The following SLC22A23 variants were observed in gnomAD, a reference collection of about 807,000 sequenced individuals.
The protein encoded by SLC22A23 is solute carrier family 22 member 23, also known as ion transporter protein.
SLC22A23 carries 26 observed loss-of-function variants against 61.0 expected under a neutral mutation model. The ratio of observed to expected loss-of-function variants is 0.43; its 90% CI spans 0.31 to 0.59. The LOEUF (loss-of-function observed/expected upper bound fraction) is 0.59. Among genes scored for constraint, SLC22A23 ranks in the 20% least tolerant of loss-of-function variants. The pLI, the probability that SLC22A23 is intolerant of heterozygous loss-of-function variation, is 0.11. For missense variants in SLC22A23, 796 were observed against 934.7 expected (o/e 0.85, Z 1.94); for synonymous variants, 430 against 413.9 (o/e 1.04, Z -0.47).
rs374528753 is a variant in SLC22A23, at chr6:3,390,117, C to T, written c.913+20071G>A. Among the ~76,000 whole-genome samples the T allele has an allele frequency of 3.3e-5, 5 of 152,292 alleles. No homozygotes were observed. The highest frequency in any genetic ancestry group is 2.1e-4 in the South Asian group (1 of 4,824). ...GCCACCATCCGTCCGTGGGCTCATCCGGAACAGCAACCAGCGGTGAGCCAC... is the reference window on the plus strand; with the variant it reads ...GCCACCATCCGTCCGTGGGCTCATCTGGAACAGCAACCAGCGGTGAGCCAC... On this transcript the variant is annotated intron_variant, in intron 3 of 9. Transcript: ENST00000406686. This position sits in a 1 kb window ranked among gnomAD's most constrained non-coding sequence, Gnocchi z 4.0.
At chr6:3,448,904 G>C (rs535204578) in intron 1 of SLC22A23, among the ~76,000 whole-genome samples, 3 of 148,734 alleles carry the variant, frequency 2.0e-5, no homozygotes, top group Admixed American at 1.3e-4. Flanking sequence ...GAGGGAGACG[G>C]AGAGGGAGAG....
chr6:3,400,183 T>C (rs952138378), intron 3 of SLC22A23, among the ~76,000 whole-genome samples: 1 of 152,242 alleles, frequency 6.6e-6, no homozygotes, highest in African/African-American at 2.4e-5. Flanking sequence ...CCGCCCATGA[T>C]TGCATTTTAA....
At chr6:3,295,074 G>A (rs960049491) in intron 5 of SLC22A23, among the ~76,000 whole-genome samples, 7 of 122,764 alleles carry the variant, frequency 5.7e-5, no homozygotes, top group African/African-American at 1.6e-4. Flanking sequence ...CCTGCTACGC[G>A]TCGCGTCAGG....
At chr6:3,405,346 T>C (rs1246541820) in intron 3 of SLC22A23, among the ~76,000 whole-genome samples, 7 of 151,946 alleles carry the variant, frequency 4.6e-5, no homozygotes, top group African/African-American at 1.5e-4. Flanking sequence ...GTGAGTGGAG[T>C]TGGTCCCACC....
Position 3,286,741 on chromosome 6 carries a change from C to G in SLC22A23, c.1546+118G>C, listed in dbSNP as rs1760044222. 3 of 912,088 alleles carry G rather than the reference C, an allele frequency of 3.3e-6. No homozygotes were observed. The highest frequency in any genetic ancestry group is 5.0e-6 in the Non-Finnish European group (3 of 598,782). 56.5% of individuals were successfully genotyped at this position (912,088 alleles called of 1,614,324 possible). A position where few individuals can be genotyped will look rare whatever the true frequency, so the allele number is the denominator to read the frequency against. On this transcript the variant is annotated intron_variant, in intron 7 of 9. Transcript: ENST00000406686. This position sits in a 1 kb window ranked among gnomAD's most constrained non-coding sequence, Gnocchi z 4.2. ...TGAAGCTCTGTTCTCCCCAAAGCAGCTCCTTCCAGCAGTAGATTTTAGAGT... is the reference window on the plus strand; with the variant it reads ...TGAAGCTCTGTTCTCCCCAAAGCAGGTCCTTCCAGCAGTAGATTTTAGAGT...
At chr6:3,299,998 C>CCTTTTTTTTTTTTTTTTTTTTTTTT (rs1761465869) in intron 4 of SLC22A23, among the ~76,000 whole-genome samples, 1 of 78,802 alleles carries the variant, frequency 1.3e-5, no homozygotes. Context: ...TCAGGATAGA[C>CCTTTTTTTTTTTTTTTTTTTTTTTT]TTTTTTTTTT....
At chr6:3,306,183 C>T in intron 4 of SLC22A23, among the ~76,000 whole-genome samples, 1 of 152,122 alleles carries the variant, frequency 6.6e-6, no homozygotes, top group East Asian at 1.9e-4. Context: ...AAACAACCAG[C>T]CCTTGAATGG....
chr6:3,400,207 A>G (rs1581819706), intron 3 of SLC22A23, among the ~76,000 whole-genome samples: 1 of 152,326 alleles, frequency 6.6e-6, no homozygotes, highest in African/African-American at 2.4e-5. Context: ...GAATTTTAAA[A>G]GCTCTGAATG....
intron 3 of SLC22A23, among the ~76,000 whole-genome samples, chr6:3,354,957 C>G (rs757493463): frequency 3.9e-5 from 6 of 152,030 alleles, no homozygotes; most frequent in African/African-American, 9.7e-5. Context: ...GTATCTAACT[C>G]TGCCCCTAAA....
chr6:3,430,503 C>T (rs111825557), intron 1 of SLC22A23, among the ~76,000 whole-genome samples: 309 of 151,630 alleles, frequency 2.0e-3, no homozygotes, highest in African/African-American at 7.1e-3. Context: ...GGAGGGACTG[C>T]AGACCAGTGC....
intron 1 of SLC22A23, among the ~76,000 whole-genome samples, chr6:3,421,025 T>C (rs1770097392): frequency 6.6e-6 from 1 of 151,644 alleles, no homozygotes; most frequent in African/African-American, 2.4e-5. Flanking sequence ...TGCTTGAACC[T>C]GGAAGACAGA....
At chr6:3,312,549 G>C (rs893254805) in intron 4 of SLC22A23, 1 of 152,068 alleles carries the variant, frequency 6.6e-6, no homozygotes, top group Non-Finnish European at 1.5e-5. Context: ...AACAAGTCGC[G>C]ACACCTTAGC....
chr6:3,285,543 G>A (rs1167346133), intron 7 of SLC22A23, among the ~76,000 whole-genome samples: 1 of 152,192 alleles, frequency 6.6e-6, no homozygotes, highest in Non-Finnish European at 1.5e-5. Flanking sequence ...TTCCTGCTCA[G>A]GGCCAAAGGG....
chr6:3,360,748 G>A lies in SLC22A23; in HGVS notation c.914-36746C>T, dbSNP rs188672676. On this transcript the variant is annotated intron_variant, in intron 3 of 9. Coordinates refer to ENST00000406686, the MANE Select transcript of SLC22A23 (RefSeq NM_015482.2). The surrounding 1 kb of genome is among the most constrained non-coding windows in gnomAD (Gnocchi z 4.6). ...AAGGGGTCCTCAGTGATGTCGACACGACAGGTGTGCAGGCACCCCCATGCA... is the reference window on the plus strand; with the variant it reads ...AAGGGGTCCTCAGTGATGTCGACACAACAGGTGTGCAGGCACCCCCATGCA... Among the ~76,000 whole-genome samples the A allele has an allele frequency of 4.6e-5, 7 of 152,326 alleles. No homozygotes were observed. The East Asian group carries it at 5.8e-4, about 13-fold the overall frequency.
At position 3,386,121 on chromosome 6, in the gene SLC22A23, C is replaced by T. The variant is rs911472876; in HGVS notation, c.913+24067G>A. On this transcript the variant is annotated intron_variant, in intron 3 of 9. Transcript: ENST00000406686. The surrounding 1 kb of genome is among the most constrained non-coding windows in gnomAD (Gnocchi z 4.4). Reference sequence around the variant, plus strand: ...GGGACTTCAATCGGCTTGAAGAACTCACACCTTTCCACACCCCTCCCGGGT... The same window carrying T: ...GGGACTTCAATCGGCTTGAAGAACTTACACCTTTCCACACCCCTCCCGGGT... Among the ~76,000 whole-genome samples, 12 of 152,310 alleles carry T rather than the reference C, an allele frequency of 7.9e-5. No homozygotes were observed. The East Asian group carries it at 2.1e-3, about 27-fold the overall frequency.
At chr6:3,273,688 G>A (rs1455588224) in intron 9 of SLC22A23, among the ~76,000 whole-genome samples, 1 of 152,056 alleles carries the variant, frequency 6.6e-6, no homozygotes, top group Non-Finnish European at 1.5e-5. Context: ...GTTTTTTCAG[G>A]GCTGGGGACC....
At position 3,324,151 on chromosome 6, in the gene SLC22A23, G is replaced by A. The variant is rs1372069815; in HGVS notation, c.914-149C>T. ...CCACCACAAGTGCCCTATGTGGTGT[G>A]CCAGTGTTTTACGGGCGCGTTGAGG... On this transcript the variant is annotated intron_variant, in intron 3 of 9. Transcript: ENST00000406686. This position sits in a 1 kb window ranked among gnomAD's most constrained non-coding sequence, Gnocchi z 4.3. The A allele has an allele frequency of 6.1e-6, 6 of 977,128 alleles. No homozygotes were observed. Among genetic ancestry groups the A allele is most frequent in the Non-Finnish European group, 9.0e-6 (6 of 668,452 alleles). 60.5% of individuals were successfully genotyped at this position (977,128 alleles called of 1,614,324 possible).
Position 3,289,856 on chromosome 6 carries a change from T to G in SLC22A23, c.1221A>C (p.Lys407Asn). The change falls in exon 6 of 10, where the codon AAA becomes AAC. Residue 407 changes from lysine (K) to asparagine (N), a missense_variant. Lys to Asn is a moderately conservative substitution (Grantham distance 94). Transcript: ENST00000406686. ...DIKGVIPELE[K>N]ELSRRPKKVC... is the part of the protein sequence containing the mutation. The stretch of plus-strand genomic sequence containing the variant: ...CCTTCTTGGGCCTCCGGGAAAGCTC[T>G]TTCTCCAGCTCTGCAAAGAAACAGA... The G allele has an allele frequency of 6.2e-7, 1 of 1,613,956 alleles. No homozygotes were observed. Among genetic ancestry groups the G allele is most frequent in the South Asian group, 1.1e-5 (1 of 91,048 alleles).
At chr6:3,365,584 A>G (rs1765756646) in intron 3 of SLC22A23, among the ~76,000 whole-genome samples, 1 of 152,138 alleles carries the variant, frequency 6.6e-6, no homozygotes, top group South Asian at 2.1e-4. Context: ...CACAGTCTCT[A>G]TTTCATAGTG....
Sources: gnomAD v4.1 joint callset for allele counts (sites outside exome capture counted in the v4.1 genomes callset) on GRCh38, gnomAD v4.1.1 for gene constraint, Gnocchi (gnomAD v3.1) non-coding constraint, MANE v1.5 for transcripts, NCBI Gene and HGNC (gene_info 2026-07-23, HGNC 2026-07-21) for gene names.